STK32B: variants seen among roughly 807,000 people sequenced by gnomAD.
STK32B encodes serine/threonine kinase 32B.
A neutral mutation model predicts 52.6 loss-of-function variants in STK32B; 43 were observed. The observed-to-expected ratio is 0.82, with a 90% CI of 0.64 to 1.05. The LOEUF (loss-of-function observed/expected upper bound fraction) is 1.05. Among genes scored for constraint, STK32B ranks in the 50% least tolerant of loss-of-function variants. STK32B has a pLI of 0.00. For synonymous variants in STK32B, 238 were observed against 204.3 expected, an observed-to-expected ratio of 1.17 and a Z score of -1.41; for missense variants, 621 against 534.6, an observed-to-expected ratio of 1.16 and a Z score of -1.59.
At chr4:5,253,176 G>A (rs1046310814) in intron 3 of STK32B, among the ~76,000 whole-genome samples, 6 of 152,066 alleles carry the variant, frequency 3.9e-5, no homozygotes, top group African/African-American at 1.4e-4. Context: ...CACATGCTCT[G>A]TTGCTTCCTG....
At position 5,311,552 on chromosome 4, in the gene STK32B, C is replaced by T. The variant is rs377663166; in HGVS notation, c.261-19668C>T. Among the ~76,000 whole-genome samples, 73 of 152,044 alleles carry T rather than the reference C, an allele frequency of 4.8e-4. 1 individual carries two copies. In the South Asian group the frequency reaches 0.011, roughly 24 times the overall value. On this transcript the variant is annotated intron_variant, in intron 3 of 11. Transcript: ENST00000282908. ...ATCAAGCTCTAGCAAGACTGACAAA[C>T]ATAAAATGAAAGAAGAACAAATAAT...
rs1475736915 is a variant in STK32B at position 5,453,311 on chromosome 4, C to T, written c.667-3496C>T. ...GCACCTTGAATGACCAATAAGGAAA[C>T]AGGGAATGAAATGTAAATGATAAGA... On this transcript the variant is annotated intron_variant, in intron 7 of 11. Transcript: ENST00000282908. This position sits in a 1 kb window ranked among gnomAD's most constrained non-coding sequence, Gnocchi z 4.0. 2.0e-5 allele frequency among the ~76,000 whole-genome samples: 3 copies of T among 151,934 alleles called. No homozygotes were observed. The East Asian group carries it at 5.8e-4, about 29-fold the overall frequency.
At chr4:5,136,645 A>C (rs1005907399) in intron 1 of STK32B, among the ~76,000 whole-genome samples, 7 of 151,374 alleles carry the variant, frequency 4.6e-5, no homozygotes, top group Admixed American at 1.3e-4. Context: ...ACCCTCTCAC[A>C]CCCCCCAGCC....
chr4:5,446,570 A>AC (rs1715446948), intron 6 of STK32B, 103 bp from the exon 7 acceptor site: 3 of 1,085,968 alleles, frequency 2.8e-6, no homozygotes, highest in African/African-American at 1.6e-5. Flanking sequence ...AAAAAACAAA[A>AC]AAAAAAAAAA....
chr4:5,143,891 G>A (rs2108837151), intron 2 of STK32B, among the ~76,000 whole-genome samples: 1 of 152,194 alleles, frequency 6.6e-6, no homozygotes, highest in South Asian at 2.1e-4. Flanking sequence ...TATTTTGAAT[G>A]CCCACTCCAG....
At chr4:5,389,719 C>T (rs77276813) in intron 4 of STK32B, among the ~76,000 whole-genome samples, 3,560 of 152,154 alleles carry the variant, frequency 0.023, 112 homozygotes, top group East Asian at 0.082. Flanking sequence ...GTGCAATAGA[C>T]TGAAAATGCC....
intron 5 of STK32B, among the ~76,000 whole-genome samples, chr4:5,413,313 C>T (rs894826106): frequency 1.3e-5 from 2 of 152,162 alleles, no homozygotes; most frequent in Non-Finnish European, 2.9e-5. Context: ...CTTAAACAGT[C>T]CTAGATAGTA....
At chr4:5,211,377 G>C (rs193248583) in intron 3 of STK32B, among the ~76,000 whole-genome samples, 16 of 150,154 alleles carry the variant, frequency 1.1e-4, no homozygotes, top group African/African-American at 2.9e-4. Flanking sequence ...GTGGGATCTT[G>C]AGCTTCCTGG....
intron 4 of STK32B, among the ~76,000 whole-genome samples, chr4:5,393,454 A>T (rs1029280017): frequency 6.6e-6 from 1 of 152,220 alleles, no homozygotes; most frequent in Non-Finnish European, 1.5e-5. Context: ...TTTATAAAGA[A>T]AAGAGGTTTC....
chr4:5,146,447 G>C (rs1337517640), intron 2 of STK32B, among the ~76,000 whole-genome samples: 1 of 152,146 alleles, frequency 6.6e-6, no homozygotes. Flanking sequence ...GAAGATGAAG[G>C]CTGGAAGAAT....
chr4:5,346,056 G>C (rs1299698805), intron 4 of STK32B, among the ~76,000 whole-genome samples: 1 of 152,108 alleles, frequency 6.6e-6, no homozygotes, highest in Non-Finnish European at 1.5e-5. Context: ...TACAGATTTT[G>C]AGCTTGTGCC....
intron 3 of STK32B, among the ~76,000 whole-genome samples, chr4:5,236,737 T>C (rs1197898993): frequency 6.6e-6 from 1 of 152,260 alleles, no homozygotes; most frequent in East Asian, 1.9e-4. Context: ...CTATACGGTA[T>C]TGTGTTGCAT....
At chr4:5,339,055 T>G (rs1423457794) in intron 4 of STK32B, among the ~76,000 whole-genome samples, 1 of 152,222 alleles carries the variant, frequency 6.6e-6, no homozygotes, top group Non-Finnish European at 1.5e-5. Flanking sequence ...CCATTCACTC[T>G]TTCTACTTGA....
chr4:5,237,718 A>G (rs1376515554), intron 3 of STK32B, among the ~76,000 whole-genome samples: 2 of 152,140 alleles, frequency 1.3e-5, no homozygotes, highest in East Asian at 3.9e-4. Flanking sequence ...TTCATCAAGA[A>G]CACACCATGA....
chr4:5,072,159 A>G (rs1711823352), intron 1 of STK32B, among the ~76,000 whole-genome samples: 1 of 152,168 alleles, frequency 6.6e-6, no homozygotes, highest in Non-Finnish European at 1.5e-5. Context: ...GTTTAAAGTA[A>G]TAGTTATTTA....
chr4:5,159,676 T>TGA (rs1553840466), intron 2 of STK32B, among the ~76,000 whole-genome samples: 77 of 58,582 alleles, frequency 1.3e-3, no homozygotes, highest in Middle Eastern at 8.1e-3. Flanking sequence ...TGTATATGAA[T>TGA]ATATATATGA....
rs1736903581 is a variant in STK32B at position 5,396,125 on chromosome 4, A to T, written c.435-2082A>T. 6.6e-6 allele frequency among the ~76,000 whole-genome samples: 1 copy of T among 152,218 alleles called. No individual in the cohort carries two copies. Among genetic ancestry groups the T allele is most frequent in the Admixed American group, 6.5e-5 (1 of 15,290 alleles). On this transcript the variant is annotated intron_variant, in intron 4 of 11. Transcript: ENST00000282908. This position sits in a 1 kb window ranked among gnomAD's most constrained non-coding sequence, Gnocchi z 4.7. ...CAAATTACTGCAAAATCGGTGGCTTAAAACAATACAAATTTATTCTCTCAT... is the reference window on the plus strand; with the variant it reads ...CAAATTACTGCAAAATCGGTGGCTTTAAACAATACAAATTTATTCTCTCAT...
chr4:5,279,188 G>T (rs1728033732), intron 3 of STK32B, among the ~76,000 whole-genome samples: 1 of 152,170 alleles, frequency 6.6e-6, no homozygotes, highest in Admixed American at 6.5e-5. Flanking sequence ...GACAAGGCAA[G>T]TCCCTTCCAC....
intron 1 of STK32B, among the ~76,000 whole-genome samples, chr4:5,089,191 G>T (rs1389551976): frequency 6.6e-6 from 1 of 151,526 alleles, no homozygotes; most frequent in East Asian, 1.9e-4. Flanking sequence ...AGATAACCAA[G>T]ATCTAATAGA....
Sources: allele counts gnomAD v4.1 joint callset (sites outside exome capture counted in the v4.1 genomes callset), GRCh38; gene constraint gnomAD v4.1.1; non-coding constraint Gnocchi (gnomAD v3.1); transcripts MANE v1.5; gene names NCBI Gene and HGNC (gene_info 2026-07-23, HGNC 2026-07-21).